GAS2: variants seen among roughly 807,000 people sequenced by gnomAD.
GAS2 encodes growth arrest-specific protein 2.
GAS2 carries 20 observed loss-of-function variants against 37.5 expected under a neutral mutation model. That is an observed-to-expected ratio of 0.53 (90% CI 0.37 to 0.77). GAS2 has a LOEUF of 0.77. Among genes scored for constraint, GAS2 ranks in the 30% least tolerant of loss-of-function variants. The pLI is 0.00. For synonymous variants in GAS2, 144 were observed against 132.2 expected, an observed-to-expected ratio of 1.09 and a Z score of -0.61; for missense variants, 336 against 373.4, an observed-to-expected ratio of 0.90 and a Z score of 0.82.
At chr11:22,699,868 CT>C (rs1486621354) in intron 3 of GAS2, among the ~76,000 whole-genome samples, 1 of 152,100 alleles carries the variant, frequency 6.6e-6, no homozygotes, top group Non-Finnish European at 1.5e-5. Flanking sequence ...AAGAAAGAGC[CT>C]GATGGACAGC....
chr11:22,652,796 C>T (rs1054639168), intron 1 of GAS2, among the ~76,000 whole-genome samples: 1 of 152,192 alleles, frequency 6.6e-6, no homozygotes, highest in Admixed American at 6.5e-5. Context: ...ACGGTGCGCG[C>T]ACCCACTGAC....
intron 3 of GAS2, among the ~76,000 whole-genome samples, chr11:22,692,954 C>G (rs892685636): frequency 6.6e-6 from 1 of 152,120 alleles, no homozygotes; most frequent in Non-Finnish European, 1.5e-5. Flanking sequence ...CTACCTGACC[C>G]CTACTACTAG....
chr11:22,790,565 TATC>T (rs1856099104), intron 7 of GAS2, among the ~76,000 whole-genome samples: 1 of 151,284 alleles, frequency 6.6e-6, no homozygotes, highest in Admixed American at 6.6e-5. Context: ...CGGCTGAAAG[TATC>T]CTCAATGTTT....
chr11:22,697,037 G>A (rs1201459168), intron 3 of GAS2, among the ~76,000 whole-genome samples: 1 of 151,798 alleles, frequency 6.6e-6, no homozygotes, highest in East Asian at 1.9e-4. Context: ...GTCCTGAATG[G>A]TAATGCCTAG....
At chr11:22,687,292 A>C (rs541211107) in intron 3 of GAS2, among the ~76,000 whole-genome samples, 20 of 152,212 alleles carry the variant, frequency 1.3e-4, no homozygotes, top group African/African-American at 4.8e-4. Flanking sequence ...ACAACACTGC[A>C]CTCCAGCCTA....
intron 1 of GAS2, among the ~76,000 whole-genome samples, chr11:22,650,627 G>A (rs1368673917): frequency 8.0e-5 from 12 of 149,196 alleles, no homozygotes; most frequent in Non-Finnish European, 1.5e-4. Context: ...ATATATTTAG[G>A]ATAGTTAGCT....
upstream of GAS2, among the ~76,000 whole-genome samples, chr11:22,662,293 G>A (rs1315063032): frequency 1.3e-5 from 2 of 152,182 alleles, no homozygotes; most frequent in Admixed American, 1.3e-4. Context: ...ATGAAATGCT[G>A]CTAGCTTGGG....
chr11:22,743,889 C>T (rs1461357395), intron 5 of GAS2, among the ~76,000 whole-genome samples: 2 of 152,006 alleles, frequency 1.3e-5, no homozygotes, highest in Non-Finnish European at 2.9e-5. Context: ...AAGATTGATG[C>T]ACCACTAGTT....
At chr11:22,736,004 T>TAAAA (rs35525212) in intron 4 of GAS2, among the ~76,000 whole-genome samples, 5 of 143,740 alleles carry the variant, frequency 3.5e-5, no homozygotes, top group South Asian at 4.4e-4. Flanking sequence ...ATGGATATGT[T>TAAAA]AAAAAAAAAA....
chr11:22,644,064 A>T (rs1368951409), intron 1 of GAS2, among the ~76,000 whole-genome samples: 39 of 152,182 alleles, frequency 2.6e-4, no homozygotes, highest in Admixed American at 2.6e-3. Flanking sequence ...AAAAATATGC[A>T]TGTACATTAC....
intron 3 of GAS2, among the ~76,000 whole-genome samples, chr11:22,706,325 C>T (rs1046556411): frequency 4.8e-5 from 7 of 146,384 alleles, no homozygotes; most frequent in African/African-American, 7.9e-5. Flanking sequence ...AAGAAGTAGA[C>T]GGTTTTTTTT....
At chr11:22,750,149 A>G (rs1853650289) in intron 6 of GAS2, among the ~76,000 whole-genome samples, 1 of 152,058 alleles carries the variant, frequency 6.6e-6, no homozygotes, top group Non-Finnish European at 1.5e-5. Context: ...AGAGTGACGT[A>G]TGTCTCACAT....
chr11:22,711,299 G>A (rs1242396238), intron 3 of GAS2, among the ~76,000 whole-genome samples: 1 of 152,170 alleles, frequency 6.6e-6, no homozygotes, highest in Non-Finnish European at 1.5e-5. Context: ...GCAGCAGCCA[G>A]AAGAGTCCCA....
intron 5 of GAS2, among the ~76,000 whole-genome samples, chr11:22,744,582 G>T (rs138134509): frequency 0.014 from 2,105 of 151,906 alleles, 57 homozygotes; most frequent in African/African-American, 0.048. Flanking sequence ...AAAAAACTTT[G>T]GATAAAATGC....
At chr11:22,789,859 G>C (rs1856056959) in intron 7 of GAS2, among the ~76,000 whole-genome samples, 1 of 152,022 alleles carries the variant, frequency 6.6e-6, no homozygotes, top group Non-Finnish European at 1.5e-5. Flanking sequence ...TTTTACTTCA[G>C]AATGCTGACC....
intron 3 of GAS2, among the ~76,000 whole-genome samples, chr11:22,715,337 T>A (rs915129665): frequency 6.6e-6 from 1 of 151,302 alleles, no homozygotes; most frequent in Admixed American, 6.6e-5. Context: ...GGCACGTGCC[T>A]GTAGTCCCAG....
intron 7 of GAS2, among the ~76,000 whole-genome samples, chr11:22,761,767 A>C (rs548521588): frequency 3.9e-5 from 6 of 152,250 alleles, no homozygotes; most frequent in Admixed American, 2.6e-4. Flanking sequence ...CATTTTACAG[A>C]TGGGGAAACT....
intron 3 of GAS2, among the ~76,000 whole-genome samples, chr11:22,692,355 C>A (rs546966579): frequency 6.6e-6 from 1 of 152,126 alleles, no homozygotes; most frequent in African/African-American, 2.4e-5. Context: ...TGAGGACGTG[C>A]GCCCATGATA....
chr11:22,725,181 G>C lies in GAS2; in HGVS notation c.268-1111G>C, dbSNP rs545315658. The stretch of plus-strand genomic sequence containing the variant: ...TAATTTATTTCTATTAAAGAAAAAA[G>C]ATAACACTTGGTATGGTTCCAAGGG... On this transcript the variant is annotated intron_variant, in intron 3 of 7. Coordinates refer to ENST00000454584, the MANE Select transcript of GAS2 (RefSeq NM_001143830.3). Among the ~76,000 whole-genome samples, 15 of 152,006 alleles carry C rather than the reference G, an allele frequency of 9.9e-5. No individual in the cohort carries two copies. The Middle Eastern group carries it at 0.014, about 138-fold the overall frequency.
Sources: allele counts gnomAD v4.1 joint callset (sites outside exome capture counted in the v4.1 genomes callset), GRCh38; gene constraint gnomAD v4.1.1; transcripts MANE v1.5; gene names NCBI Gene and HGNC (gene_info 2026-07-23, HGNC 2026-07-21).